The following TENM3 variants were observed in gnomAD, a reference collection of about 807,000 sequenced individuals.
TENM3 encodes the protein teneurin-3.
Under a neutral mutation model 255.1 loss-of-function variants are expected in TENM3, and 63 were observed. The ratio of observed to expected loss-of-function variants is 0.25; its 90% CI spans 0.20 to 0.30. The LOEUF (loss-of-function observed/expected upper bound fraction) is 0.30. Among genes scored for constraint, TENM3 ranks in the 10% least tolerant of loss-of-function variants. The pLI is 1.00. For missense variants in TENM3, 2,929 were observed against 3,461.1 expected (o/e 0.85, Z 3.86); for synonymous variants, 1,306 against 1,322.3 (o/e 0.99, Z 0.27).
At chr4:181,825,084 G>A in the TENM3 span, among the ~76,000 whole-genome samples, 1 of 152,146 alleles carries the variant, frequency 6.6e-6, no homozygotes, top group Admixed American at 6.5e-5. Context: ...AACTACAGTA[G>A]TCCTACTGGC....
the TENM3 span, among the ~76,000 whole-genome samples, chr4:181,600,863 G>T: frequency 8.4e-4 from 127 of 151,730 alleles, 1 homozygote; most frequent in Non-Finnish European, 1.3e-3. Flanking sequence ...AACAAAGCTT[G>T]ACTTAGTCTC....
chr4:181,826,341 G>T, the TENM3 span, among the ~76,000 whole-genome samples: 1 of 152,184 alleles, frequency 6.6e-6, no homozygotes, highest in African/African-American at 2.4e-5. Context: ...CACTATCAAT[G>T]ATAAGTGTTA....
At chr4:182,261,232 A>G (rs1158605761) in intron 1 of TENM3, among the ~76,000 whole-genome samples, 2 of 152,214 alleles carry the variant, frequency 1.3e-5, no homozygotes, top group Non-Finnish European at 2.9e-5. Flanking sequence ...TTTAGCATGC[A>G]CTGAAGTTCG....
chr4:181,480,818 GATAT>G, the TENM3 span, among the ~76,000 whole-genome samples: 2 of 148,606 alleles, frequency 1.3e-5, no homozygotes, highest in African/African-American at 4.9e-5. Context: ...ATATAATATA[GATAT>G]ATATTAATAG....
At chr4:182,770,185 G>GC (rs1255417188) in intron 22 of TENM3, among the ~76,000 whole-genome samples, 1 of 151,756 alleles carries the variant, frequency 6.6e-6, no homozygotes, top group African/African-American at 2.4e-5. Context: ...TGTTTAAATG[G>GC]CCTTATGAAA....
the TENM3 span, among the ~76,000 whole-genome samples, chr4:181,606,631 C>T: frequency 6.6e-6 from 1 of 152,090 alleles, no homozygotes; most frequent in Non-Finnish European, 1.5e-5. Context: ...GCCTGATTCT[C>T]ATTTCCTCTG....
intron 1 of TENM3, among the ~76,000 whole-genome samples, chr4:182,308,778 ATGCAT>A (rs1395892283): frequency 6.6e-6 from 1 of 152,204 alleles, no homozygotes; most frequent in Non-Finnish European, 1.5e-5. Flanking sequence ...TATTGTGCCT[ATGCAT>A]TTTAAGGTGT....
At chr4:182,318,093 A>G (rs757222608) in intron 1 of TENM3, among the ~76,000 whole-genome samples, 1 of 152,216 alleles carries the variant, frequency 6.6e-6, no homozygotes, top group East Asian at 1.9e-4. Flanking sequence ...TTTCCAGACT[A>G]TAATAAAGAT....
At chr4:181,623,480 C>A in the TENM3 span, among the ~76,000 whole-genome samples, 1 of 152,172 alleles carries the variant, frequency 6.6e-6, no homozygotes, top group Non-Finnish European at 1.5e-5. Flanking sequence ...CCTGTGTGAA[C>A]AATCAAGTAT....
the TENM3 span, among the ~76,000 whole-genome samples, chr4:182,108,471 T>C: frequency 6.6e-6 from 1 of 152,158 alleles, no homozygotes; most frequent in African/African-American, 2.4e-5. Flanking sequence ...TTATAATGAA[T>C]CCAAACAAGT....
rs200915413 is a variant in TENM3 at position 182,453,568 on chromosome 4, TA to T, written c.511+106645del. ...CAAAATGACTAATATGGGACTAACA[TA>T]AAAAACACTTTAGTCTTTTGTGGTT... On this transcript the variant is annotated intron_variant, in intron 3 of 27. Coordinates refer to ENST00000511685, the MANE Select transcript of TENM3 (RefSeq NM_001080477.4). 9.7e-3 allele frequency among the ~76,000 whole-genome samples: 1,478 copies of T among 152,268 alleles called. 21 individuals carry two copies. The highest frequency in any genetic ancestry group is 0.034 in the African/African-American group (1,397 of 41,546).
At chr4:181,732,437 T>A in the TENM3 span, among the ~76,000 whole-genome samples, 14 of 152,168 alleles carry the variant, frequency 9.2e-5, no homozygotes, top group Admixed American at 7.9e-4. Context: ...CATCATTTTT[T>A]AAAAATTCCA....
At chr4:182,016,486 G>A in the TENM3 span, among the ~76,000 whole-genome samples, 1 of 152,140 alleles carries the variant, frequency 6.6e-6, no homozygotes, top group East Asian at 1.9e-4. Flanking sequence ...CTCCTGCTTA[G>A]GGTCCTTGAG....
the TENM3 span, among the ~76,000 whole-genome samples, chr4:181,967,661 G>A: frequency 6.6e-6 from 1 of 152,088 alleles, no homozygotes; most frequent in Non-Finnish European, 1.5e-5. Context: ...TTCCCAGGAG[G>A]AGTAAGAGGG....
At chr4:182,678,774 G>A (rs1755857442) in intron 7 of TENM3, among the ~76,000 whole-genome samples, 1 of 151,352 alleles carries the variant, frequency 6.6e-6, no homozygotes, top group East Asian at 2.0e-4. Flanking sequence ...AGACTGTACA[G>A]GGTTATCTTG....
chr4:181,946,641 T>C, the TENM3 span, among the ~76,000 whole-genome samples: 2 of 152,186 alleles, frequency 1.3e-5, no homozygotes, highest in East Asian at 3.8e-4. Flanking sequence ...CTCCCCTAGG[T>C]CCTTATTTTA....
chr4:181,461,488 GA>G, the TENM3 span, among the ~76,000 whole-genome samples: 3 of 151,928 alleles, frequency 2.0e-5, no homozygotes, highest in Non-Finnish European at 4.4e-5. Context: ...CTACTTACTG[GA>G]ACTCTATTCC....
intron 12 of TENM3, among the ~76,000 whole-genome samples, chr4:182,689,139 T>C (rs1756818116): frequency 6.6e-6 from 1 of 152,202 alleles, no homozygotes; most frequent in Non-Finnish European, 1.5e-5. Flanking sequence ...AAGTAATAAA[T>C]TTCTATATCA....
At chr4:181,515,160 G>A in the TENM3 span, among the ~76,000 whole-genome samples, 1 of 152,190 alleles carries the variant, frequency 6.6e-6, no homozygotes, top group East Asian at 1.9e-4. Flanking sequence ...ACAACAAAGT[G>A]TATGAAAAAT....
Sources: allele counts gnomAD v4.1 joint callset (sites outside exome capture counted in the v4.1 genomes callset), GRCh38; gene constraint gnomAD v4.1.1; transcripts MANE v1.5; gene names NCBI Gene and HGNC (gene_info 2026-07-23, HGNC 2026-07-21).